Variants in BPIFB1 observed in about 807,000 individuals in gnomAD.
BPIFB1 encodes the protein BPI fold containing family B member 1.
A neutral mutation model predicts 55.1 loss-of-function variants in BPIFB1; 34 were observed. The observed-to-expected ratio is 0.62, with a 90% CI of 0.47 to 0.82. The LOEUF is 0.82. Among genes scored for constraint, BPIFB1 ranks in the 40% least tolerant of loss-of-function variants. BPIFB1 has a pLI of 0.00. For missense variants in BPIFB1, 532 were observed against 593.1 expected, an observed-to-expected ratio of 0.90 and a Z score of 1.07; for synonymous variants, 236 against 245.3, an observed-to-expected ratio of 0.96 and a Z score of 0.35.
intron 12 of BPIFB1, 65 bp downstream of exon 12, chr20:33,304,090 T>A: frequency 6.7e-7 from 1 of 1,481,736 alleles, no homozygotes; most frequent in Non-Finnish European, 9.3e-7. Flanking sequence ...TAACCATGGG[T>A]TTCTTTAAAC....
chr20:33,302,897 G>C lies in BPIFB1; in HGVS notation c.982-19G>C, dbSNP rs1441981239. The C allele has an allele frequency of 2.5e-6, 4 of 1,612,788 alleles. No individual in the cohort carries two copies. The Admixed American group carries it at 5.0e-5, about 20-fold the overall frequency. On this transcript the variant is annotated intron_variant, in intron 10 of 15. Transcript: ENST00000253354. ...GGTGGGCACTTGGGAGGCCACATGT[G>C]GGTCTGATCTCCTTCCAGGCTGCAG...
At chr20:33,291,298 C>T (rs1466054505) in intron 5 of BPIFB1, among the ~76,000 whole-genome samples, 192 bp downstream of exon 5, 1 of 152,200 alleles carries the variant, frequency 6.6e-6, no homozygotes, top group African/African-American at 2.4e-5. Flanking sequence ...ACATCAAGGT[C>T]AGAAGCAACC....
Position 33,304,017 on chromosome 20 carries a change from T to C in BPIFB1, c.1200T>C (p.Asn400=), listed in dbSNP as rs2146535191. The C allele has an allele frequency of 6.2e-7, 1 of 1,612,592 alleles. No individual in the cohort carries two copies. The highest frequency in any genetic ancestry group is 1.7e-4 in the Middle Eastern group (1 of 6,052). ...GTGACCAACTTATACTCAACTTGAA[T>C]AACATCAGGTAAACACACAAATCAT... ...TKGDQLILNL[N]NISSDRIQLM... Residue 400 remains asparagine, a synonymous_variant, in exon 12 of 16, where the codon AAT becomes AAC. Transcript: ENST00000253354.
At chr20:33,290,075 T>G in intron 4 of BPIFB1, 83 bp downstream of exon 4, 1 of 1,090,138 alleles carries the variant, frequency 9.2e-7, no homozygotes, top group Admixed American at 1.9e-5. Context: ...CATGCAGGTG[T>G]CTGGAAAAGA....
chr20:33,306,645 T>C (rs1981035813), intron 14 of BPIFB1: 1 of 487,612 alleles, frequency 2.1e-6, no homozygotes, highest in Non-Finnish European at 3.7e-6. Context: ...CTGGGGATAA[T>C]GGGAGCCCCT....
intron 7 of BPIFB1, among the ~76,000 whole-genome samples, chr20:33,298,028 T>C (rs768848599): frequency 3.9e-5 from 6 of 152,120 alleles, no homozygotes; most frequent in African/African-American, 7.2e-5. Context: ...TACAAATGCA[T>C]GCTAAATGGA....
chr20:33,297,157 G>C (rs761606440), intron 6 of BPIFB1, among the ~76,000 whole-genome samples: 1 of 152,218 alleles, frequency 6.6e-6, no homozygotes, highest in African/African-American at 2.4e-5. Flanking sequence ...CTGGCCTCAA[G>C]CGATCCACCC....
intron 5 of BPIFB1, 35 bp from the exon 6 acceptor site, chr20:33,291,872 C>T: frequency 6.3e-7 from 1 of 1,583,664 alleles, no homozygotes; most frequent in African/African-American, 1.3e-5. Flanking sequence ...ATCTCTGACC[C>T]TTCCTAATGT....
chr20:33,291,404 G>A (rs1004236113), intron 5 of BPIFB1, among the ~76,000 whole-genome samples: 1 of 152,212 alleles, frequency 6.6e-6, no homozygotes, highest in Non-Finnish European at 1.5e-5. Flanking sequence ...TGTAGGTGGA[G>A]CCAGGGGCAA....
chr20:33,292,974 T>G (rs1490869748), intron 6 of BPIFB1, among the ~76,000 whole-genome samples: 7 of 152,246 alleles, frequency 4.6e-5, no homozygotes, highest in Non-Finnish European at 1.0e-4. Flanking sequence ...TAGGCGGGAG[T>G]GCAGTGGCGC....
rs540315444 is a variant in BPIFB1, at chr20:33,306,790, A to G, written c.1319-121A>G. ...GGCCAGAGAACAGGCGAGCAGAGGC[A>G]GAGGGGGCTGTCTGATCAGGCCTGC... On this transcript the variant is annotated intron_variant, in intron 14 of 15. Coordinates refer to ENST00000253354, the MANE Select transcript of BPIFB1 (RefSeq NM_033197.3). 8 of 795,522 alleles carry G rather than the reference A, an allele frequency of 1.0e-5. No individual in the cohort carries two copies. The East Asian group carries it at 2.0e-4, about 19-fold the overall frequency. 49.3% of individuals were successfully genotyped at this position (795,522 alleles called of 1,614,324 possible). A position where few individuals can be genotyped will look rare whatever the true frequency, so the allele number is the denominator to read the frequency against.
At chr20:33,299,662 T>G (rs1980781781) in intron 7 of BPIFB1, among the ~76,000 whole-genome samples, 1 of 152,210 alleles carries the variant, frequency 6.6e-6, no homozygotes, top group Admixed American at 6.5e-5. Context: ...AAGACCTACT[T>G]CCTAACGTTA....
chr20:33,304,660 CT>C (rs1224720560), intron 12 of BPIFB1, among the ~76,000 whole-genome samples, 185 bp from the exon 13 acceptor site: 1 of 152,100 alleles, frequency 6.6e-6, no homozygotes, highest in African/African-American at 2.4e-5. Context: ...TCTGTGCCCC[CT>C]CTATGCCCCC....
chr20:33,308,665 A>C (rs953238214), intron 15 of BPIFB1, among the ~76,000 whole-genome samples: 1 of 144,682 alleles, frequency 6.9e-6, no homozygotes, highest in Non-Finnish European at 1.5e-5. Flanking sequence ...CGCACATACA[A>C]ACACATACAC....
chr20:33,288,740 G>A lies in BPIFB1; in HGVS notation c.116-1G>A, dbSNP rs759564093. 6.2e-7 allele frequency: 1 copy of A among 1,613,446 alleles called. No individual in the cohort carries two copies. The highest frequency in any genetic ancestry group is 2.2e-5 in the East Asian group (1 of 44,860). ...CCCTAATCCCTGGGGTCTGCCTCCAGAGCTGACACAGGAGCTGAAGGACCA... is the reference window on the plus strand; with the variant it reads ...CCCTAATCCCTGGGGTCTGCCTCCAAAGCTGACACAGGAGCTGAAGGACCA... On this transcript the variant is annotated splice_acceptor_variant, in intron 2 of 15. Transcript: ENST00000253354. LOFTEE classifies it high-confidence loss of function.
At chr20:33,307,305 CGAAATGA>C (rs996791981) in intron 15 of BPIFB1, 1 of 284,884 alleles carries the variant, frequency 3.5e-6, no homozygotes, top group Admixed American at 4.9e-5. Context: ...TTGAGGCCAC[CGAAATGA>C]ACAAATGGAA....
chr20:33,296,749 G>A (rs1980665390), intron 6 of BPIFB1, among the ~76,000 whole-genome samples: 5 of 152,210 alleles, frequency 3.3e-5, no homozygotes, highest in Admixed American at 2.0e-4. Context: ...GGCAATTTTA[G>A]GAAGAGAAGT....
chr20:33,286,673 C>T (rs73906379), intron 2 of BPIFB1, among the ~76,000 whole-genome samples: 1,652 of 152,292 alleles, frequency 0.011, 27 homozygotes, highest in African/African-American at 0.038. Context: ...ATAAGAGGGC[C>T]TTCCTCACTG....
chr20:33,290,893 C>G, intron 4 of BPIFB1, 64 bp from the exon 5 acceptor site: 1 of 1,567,380 alleles, frequency 6.4e-7, no homozygotes. Flanking sequence ...CAGAGACGGA[C>G]GGCAGGGTTG....
Sources: gnomAD v4.1 joint callset for allele counts (sites outside exome capture counted in the v4.1 genomes callset) on GRCh38, gnomAD v4.1.1 for gene constraint, MANE v1.5 for transcripts, NCBI Gene and HGNC (gene_info 2026-07-23, HGNC 2026-07-21) for gene names.